Variants in PDE4A observed in about 807,000 individuals in gnomAD.
The protein encoded by PDE4A is 3',5'-cyclic-AMP phosphodiesterase 4A.
A neutral mutation model predicts 73.9 loss-of-function variants in PDE4A; 21 were observed. That is an observed-to-expected ratio of 0.28 (90% CI 0.20 to 0.41). The LOEUF (loss-of-function observed/expected upper bound fraction) is 0.41. Among genes scored for constraint, PDE4A ranks in the 10% least tolerant of loss-of-function variants. The pLI, the probability that PDE4A is intolerant of heterozygous loss-of-function variation, is 1.00. For missense variants in PDE4A, 958 were observed against 1,211.4 expected, an observed-to-expected ratio of 0.79 and a Z score of 3.10; for synonymous variants, 463 against 505.4, an observed-to-expected ratio of 0.92 and a Z score of 1.13.
At chr19:10,422,587 A>C (rs755886523) in intron 1 of PDE4A, among the ~76,000 whole-genome samples, 4 of 152,066 alleles carry the variant, frequency 2.6e-5, no homozygotes, top group Non-Finnish European at 5.9e-5. Flanking sequence ...CTCCTGAGTG[A>C]GGCCTCTCTA....
chr19:10,421,250 T>G (rs2042647855), intron 1 of PDE4A, 166 bp downstream of exon 1: 1 of 985,316 alleles, frequency 1.0e-6, no homozygotes, highest in African/African-American at 1.7e-5. Context: ...CCCCTGGTTG[T>G]GCGCTCTACG....
chr19:10,420,664 G>T lies in PDE4A; in HGVS notation c.-101G>T. 7.3e-7 allele frequency: 1 copy of T among 1,365,520 alleles called. No individual in the cohort carries two copies. The highest frequency in any genetic ancestry group is 9.4e-7 in the Non-Finnish European group (1 of 1,067,538). The allele number at this position is 1,365,520 out of a possible 1,614,324, so 84.6% of individuals were successfully genotyped here. A position where few individuals can be genotyped will look rare whatever the true frequency, so the allele number is the denominator to read the frequency against. ...GGCGCCATGGCCCTACCGCGGCCGG[G>T]CGCACCCGCGGGGCCCTGGGCTCGC... On this transcript the variant is annotated 5_prime_UTR_variant, in exon 1 of 15. Transcript: ENST00000380702. The surrounding 1 kb of genome is among the most constrained non-coding windows in gnomAD (Gnocchi z 6.0).
chr19:10,421,378 G>T (rs1398240428), intron 1 of PDE4A: 1 of 978,370 alleles, frequency 1.0e-6, no homozygotes, highest in African/African-American at 1.8e-5. Flanking sequence ...TGTATTCTTG[G>T]TGACAGTGCA....
intron 1 of PDE4A, chr19:10,432,302 TG>T (rs1030283452): frequency 4.4e-5 from 52 of 1,194,318 alleles, no homozygotes; most frequent in Non-Finnish European, 5.0e-5. Flanking sequence ...GGGCTGTCCC[TG>T]GGGGGGTCAC....
intron 1 of PDE4A, chr19:10,429,045 C>G (rs181430541): frequency 2.9e-3 from 563 of 197,392 alleles, no homozygotes; most frequent in Non-Finnish European, 3.4e-3. Context: ...GCAGAGGTTG[C>G]GGTGAGCCAA....
intron 1 of PDE4A, chr19:10,431,085 G>T: frequency 6.5e-7 from 1 of 1,544,618 alleles, no homozygotes; most frequent in Admixed American, 1.9e-5. Flanking sequence ...GGCTGGGGCT[G>T]GGTAAGTGCA....
At chr19:10,420,421 GAGGA>G, upstream of PDE4A, 1 of 962,346 alleles carries the variant, frequency 1.0e-6, no homozygotes, top group Non-Finnish European at 1.2e-6. This position sits in a 1 kb window ranked among gnomAD's most constrained non-coding sequence, Gnocchi z 6.0. Flanking sequence ...CCGGACGGAG[GAGGA>G]GGGGGGCGGC....
upstream of PDE4A, among the ~76,000 whole-genome samples, chr19:10,419,756 C>T (rs2042625549): frequency 6.6e-6 from 1 of 152,168 alleles, no homozygotes; most frequent in African/African-American, 2.4e-5. Flanking sequence ...TGCACAACTC[C>T]GCAAGCACAC....
chr19:10,448,950 T>C lies in PDE4A; in HGVS notation c.546T>C (p.Ala182=), dbSNP rs1188380300. ...HAEDLIVTPF[A]QVLASLRSVR... ...AAGACCTCATCGTAACACCATTTGC[T>C]CAGGTGAGACCTCTTCCCAAATGGT... is the stretch of plus-strand genomic sequence containing the variant. The change falls in exon 3 of 15, where the codon GCT becomes GCC. Residue 182 remains alanine (A), a synonymous_variant. Coordinates refer to ENST00000380702, the MANE Select transcript of PDE4A (RefSeq NM_001111307.2). 1 of 1,613,818 alleles carries C rather than the reference T, an allele frequency of 6.2e-7. No individual in the cohort carries two copies. Among genetic ancestry groups the C allele is most frequent in the Non-Finnish European group, 8.5e-7 (1 of 1,179,866 alleles).
chr19:10,419,839 A>G (rs2042626363), upstream of PDE4A, among the ~76,000 whole-genome samples: 1 of 152,234 alleles, frequency 6.6e-6, no homozygotes, highest in African/African-American at 2.4e-5. Context: ...AAGACCACGT[A>G]GGGATGCACA....
At chr19:10,430,920 G>A (rs1438480583) in intron 1 of PDE4A, 2 of 1,510,090 alleles carry the variant, frequency 1.3e-6, no homozygotes, top group Non-Finnish European at 8.8e-7. Context: ...GGCGGCTGAG[G>A]ACGAGGCGTT....
At chr19:10,426,756 T>C (rs1027749517) in intron 1 of PDE4A, among the ~76,000 whole-genome samples, 18 of 151,510 alleles carry the variant, frequency 1.2e-4, no homozygotes, top group African/African-American at 3.9e-4. Flanking sequence ...TCCCAGCTAC[T>C]TGGGAGGCTG....
rs2043051212 is a variant in PDE4A, at chr19:10,448,947, T to C, written c.543T>C (p.Phe181=). 4 of 1,613,904 alleles carry C rather than the reference T, an allele frequency of 2.5e-6. No individual in the cohort carries two copies. The highest frequency in any genetic ancestry group is 3.4e-6 in the Non-Finnish European group (4 of 1,179,874). The change falls in exon 3 of 15, where the codon TTT becomes TTC. Residue 181 remains phenylalanine (F), a synonymous_variant. Transcript: ENST00000380702. ...CTGAAGACCTCATCGTAACACCATT[T>C]GCTCAGGTGAGACCTCTTCCCAAAT... ...AHAEDLIVTP[F]AQVLASLRSV...
At position 10,469,609 on chromosome 19, in the gene PDE4A, A is replaced by G. The variant is rs1013220708; in HGVS notation, c.*1988A>G. 7 of 152,320 alleles carry G rather than the reference A, an allele frequency of 4.6e-5. No homozygotes were observed. The highest frequency in any genetic ancestry group is 1.4e-4 in the African/African-American group (6 of 41,432). The allele number at this position is 152,320 out of a possible 1,614,324, so 9.4% of individuals were successfully genotyped here. On this transcript the variant is annotated 3_prime_UTR_variant, in exon 15 of 15. Transcript: ENST00000380702. ...CAATAATCCTTCGATCTTGTCTCCA[A>G]TTAAACCGAGGCTTTCACCGATTTT...
intron 14 of PDE4A, among the ~76,000 whole-genome samples, chr19:10,466,225 T>C (rs1488429341): frequency 1.3e-5 from 2 of 149,674 alleles, no homozygotes; most frequent in Non-Finnish European, 3.0e-5. Context: ...GGTGGGCTGA[T>C]CACAAGATCA....
At chr19:10,439,561 G>T (rs568880521) in intron 1 of PDE4A, among the ~76,000 whole-genome samples, 1 of 152,124 alleles carries the variant, frequency 6.6e-6, no homozygotes, top group Non-Finnish European at 1.5e-5. Context: ...GGGAGGAATC[G>T]GAGCAGCAGA....
intron 1 of PDE4A, among the ~76,000 whole-genome samples, chr19:10,431,809 G>A (rs1026842683): frequency 2.0e-5 from 3 of 152,182 alleles, no homozygotes; most frequent in Admixed American, 2.0e-4. Flanking sequence ...GAGGGGCCAG[G>A]GCCTTTGGGA....
upstream of PDE4A, chr19:10,417,309 A>G (rs2042597654): frequency 1.0e-6 from 1 of 985,048 alleles, no homozygotes; most frequent in African/African-American, 1.7e-5. Flanking sequence ...GGGCATTGAC[A>G]TTAAGACCAA....
chr19:10,435,018 G>A (rs1034567910), intron 1 of PDE4A, among the ~76,000 whole-genome samples: 5 of 150,892 alleles, frequency 3.3e-5, no homozygotes, highest in Non-Finnish European at 5.9e-5. Context: ...CATGAGCCAC[G>A]GCGCCTGGCC....
Sources: gnomAD v4.1 joint callset for allele counts (sites outside exome capture counted in the v4.1 genomes callset) on GRCh38, gnomAD v4.1.1 for gene constraint, Gnocchi (gnomAD v3.1) non-coding constraint, MANE v1.5 for transcripts, NCBI Gene and HGNC (gene_info 2026-07-23, HGNC 2026-07-21) for gene names.